AATK: variants seen among roughly 807,000 people sequenced by gnomAD.
AATK encodes the protein serine/threonine-protein kinase LMTK1.
A neutral mutation model predicts 114.3 loss-of-function variants in AATK; 91 were observed. The observed-to-expected ratio is 0.80, with a 90% CI of 0.67 to 0.95. AATK has a LOEUF of 0.95. Among genes scored for constraint, AATK ranks in the 40% least tolerant of loss-of-function variants. The pLI, the probability that AATK is intolerant of heterozygous loss-of-function variation, is 0.00. For synonymous variants in AATK, 1,075 were observed against 916.5 expected, an observed-to-expected ratio of 1.17 and a Z score of -3.12; for missense variants, 2,176 against 1,965.2, an observed-to-expected ratio of 1.11 and a Z score of -2.03.
At position 81,120,401 on chromosome 17, in the gene AATK, T is replaced by C; in HGVS notation, c.3535A>G (p.Ser1179Gly). The change falls in exon 11 of 14, where the codon AGC becomes GGC. Residue 1179 changes from serine to glycine, a missense_variant. This residue lies in a region of AATK where 1,701 missense variants were observed against 1,394.7 expected (regional missense o/e 1.22). Transcript: ENST00000326724. ...DESDEELRCY[S>G]VQEPSEDSEE... Reference sequence around the variant, plus strand: ...CTGTCCTCGCTAGGCTCCTGGACGCTGTAGCAGCGGAGCTCCTCGTCAGAC... The same window carrying C: ...CTGTCCTCGCTAGGCTCCTGGACGCCGTAGCAGCGGAGCTCCTCGTCAGAC... The C allele has an allele frequency of 6.3e-7, 1 of 1,599,886 alleles. No homozygotes were observed. Among genetic ancestry groups the C allele is most frequent in the Non-Finnish European group, 8.5e-7 (1 of 1,172,592 alleles).
chr17:81,134,518 T>C lies in AATK; in HGVS notation c.56-17A>G, dbSNP rs11658145. The C allele has an allele frequency of 0.24, 380,464 of 1,605,516 alleles. 46,440 individuals are homozygous for C. Among genetic ancestry groups the C allele is most frequent in the South Asian group, 0.29 (26,329 of 89,930 alleles). The stretch of plus-strand genomic sequence containing the variant: ...GGGCGCCGTCTGCGGGAGAGCAGTG[T>C]GGTGAGAGTGGCCATGGCTGAGGGC... On this transcript the variant is annotated splice_polypyrimidine_tract_variant and intron_variant, in intron 1 of 13. Transcript: ENST00000326724.
chr17:81,159,524 GAAA>G (rs2061406146), intron 1 of AATK, among the ~76,000 whole-genome samples: 1 of 152,152 alleles, frequency 6.6e-6, no homozygotes, highest in Admixed American at 6.5e-5. Flanking sequence ...GGGGTTCGAG[GAAA>G]TTCCACGTGG....
At chr17:81,139,745 C>A (rs778884749) in intron 1 of AATK, among the ~76,000 whole-genome samples, 1 of 152,254 alleles carries the variant, frequency 6.6e-6, no homozygotes, top group Non-Finnish European at 1.5e-5. Flanking sequence ...TGAGGCTGTG[C>A]CCCTGGCCAT....
At chr17:81,133,129 T>G (rs1047924584) in intron 2 of AATK, 75 of 437,798 alleles carry the variant, frequency 1.7e-4, no homozygotes, top group African/African-American at 1.5e-3. Context: ...TGGGCAGGAG[T>G]GCAGACCCCA....
intron 13 of AATK, 69 bp downstream of exon 13, chr17:81,119,311 G>T: frequency 7.6e-7 from 1 of 1,311,594 alleles, no homozygotes; most frequent in Non-Finnish European, 1.0e-6. Context: ...AGACGGAGGG[G>T]CCCCACCCTC....
At chr17:81,150,458 C>A (rs1406907351) in intron 1 of AATK, among the ~76,000 whole-genome samples, 1 of 149,754 alleles carries the variant, frequency 6.7e-6, no homozygotes. Flanking sequence ...GTACCCCCGG[C>A]AGCTCACTGC....
chr17:81,124,759 G>C lies in AATK; in HGVS notation c.930C>G (p.Leu310=), dbSNP rs772785830. The C allele has an allele frequency of 3.1e-6, 5 of 1,612,782 alleles. No individual in the cohort carries two copies. The highest frequency in any genetic ancestry group is 4.2e-6 in the Non-Finnish European group (5 of 1,179,816). Reference sequence around the variant, plus strand: ...TCCCGCTCTTGGTCTGGTCCACGACGAGCAGGTTGCTATGCACCTCGTCCA... The same window carrying C: ...TCCCGCTCTTGGTCTGGTCCACGACCAGCAGGTTGCTATGCACCTCGTCCA... The part of the protein sequence containing the change: ...ELVDEVHSNL[L]VVDQTKSGNV... Residue 310 remains leucine (L), a synonymous_variant, in exon 9 of 14, where the codon CTC becomes CTG. Transcript: ENST00000326724.
intron 1 of AATK, among the ~76,000 whole-genome samples, chr17:81,150,742 A>G (rs1450540579): frequency 2.0e-5 from 3 of 152,188 alleles, no homozygotes; most frequent in African/African-American, 4.8e-5. Context: ...CCTAAGGCAG[A>G]CAGACAGGGG....
Position 81,118,265 on chromosome 17 carries a change from C to G in AATK, c.*137G>C. The G allele has an allele frequency of 1.2e-6, 1 of 845,216 alleles. No individual in the cohort carries two copies. The allele number at this position is 845,216 out of a possible 1,614,324, so 52.4% of individuals were successfully genotyped here. A position where few individuals can be genotyped will look rare whatever the true frequency, so the allele number is the denominator to read the frequency against. On this transcript the variant is annotated 3_prime_UTR_variant, in exon 14 of 14. Coordinates refer to ENST00000326724, the MANE Select transcript of AATK (RefSeq NM_001080395.3). ...CATCCCACGGGCTTCTCCAGGACAC[C>G]GCGTGGGGCAGAGGCACCTGAATCT... is the stretch of plus-strand genomic sequence containing the variant.
chr17:81,131,232 G>A, intron 2 of AATK, 27 bp from the exon 3 acceptor site: 2 of 1,552,528 alleles, frequency 1.3e-6, no homozygotes, highest in South Asian at 2.4e-5. Context: ...GCATGAGCGG[G>A]GCTTCTCGCA....
At chr17:81,165,044 G>A (rs1183121189) in intron 1 of AATK, among the ~76,000 whole-genome samples, 1 of 152,246 alleles carries the variant, frequency 6.6e-6, no homozygotes, top group Non-Finnish European at 1.5e-5. Flanking sequence ...TGTTTGGGCT[G>A]GCTCAGCCTG....
chr17:81,132,910 C>T (rs899337866), intron 2 of AATK: 8 of 246,436 alleles, frequency 3.2e-5, no homozygotes, highest in Admixed American at 2.6e-4. Context: ...ATGGCCAGCC[C>T]TTGTTTGGGG....
Position 81,119,985 on chromosome 17 carries a change from G to C in AATK, c.3834C>G (p.Asn1278Lys), listed in dbSNP as rs1482049682. Residue 1278 changes from asparagine to lysine, a missense_variant, in exon 12 of 14, where the codon AAC becomes AAG. This residue lies in a region of AATK where 1,701 missense variants were observed against 1,394.7 expected (regional missense o/e 1.22). Coordinates refer to ENST00000326724, the MANE Select transcript of AATK (RefSeq NM_001080395.3). Reference protein sequence around the residue: ...RGSPGSPSAPNRPQQADGSPN... With the variant: ...RGSPGSPSAPKRPQQADGSPN... The stretch of plus-strand genomic sequence containing the variant: ...GGGAGCCATCAGCCTGCTGCGGCCG[G>C]TTGGGGGCGCTGGGAGAGCCGGGGC... The C allele has an allele frequency of 2.1e-6, 3 of 1,448,670 alleles. No homozygotes were observed. Among genetic ancestry groups the C allele is most frequent in the Non-Finnish European group, 2.7e-6 (3 of 1,100,650 alleles). 89.7% of individuals were successfully genotyped at this position (1,448,670 alleles called of 1,614,324 possible).
chr17:81,124,504 G>A lies in AATK; in HGVS notation c.962+223C>T, dbSNP rs551090129. On this transcript the variant is annotated intron_variant, in intron 9 of 13. Coordinates refer to ENST00000326724, the MANE Select transcript of AATK (RefSeq NM_001080395.3). ...TGAAGACGGGCCGTTGGCCCTGTAC[G>A]TATGCCTTGACCCCACCATGGGGTC... 3.3e-3 allele frequency among the ~76,000 whole-genome samples: 500 copies of A among 152,322 alleles called. 4 individuals carry two copies. Among genetic ancestry groups the A allele is most frequent in the Middle Eastern group, 0.017 (5 of 294 alleles).
At chr17:81,158,143 C>T (rs1351099548) in intron 1 of AATK, among the ~76,000 whole-genome samples, 4 of 152,226 alleles carry the variant, frequency 2.6e-5, no homozygotes, top group East Asian at 1.9e-4. Context: ...CAGGGCCGCC[C>T]GTCACAGAAG....
At chr17:81,156,688 C>T (rs1045616747) in intron 1 of AATK, among the ~76,000 whole-genome samples, 16 of 152,222 alleles carry the variant, frequency 1.1e-4, no homozygotes, top group African/African-American at 3.4e-4. Context: ...TGAGCCACCG[C>T]GCCCAGACTA....
At chr17:81,119,718 C>A (rs966721856) in intron 12 of AATK, 138 bp from the exon 13 acceptor site, 3 of 976,672 alleles carry the variant, frequency 3.1e-6, no homozygotes, top group South Asian at 2.2e-5. Context: ...GTCACGGGCC[C>A]AGGCCCCGCC....
chr17:81,127,347 A>G (rs1199180692), intron 6 of AATK, among the ~76,000 whole-genome samples: 1 of 151,950 alleles, frequency 6.6e-6, no homozygotes, highest in Non-Finnish European at 1.5e-5. Flanking sequence ...GCAGCTCCCC[A>G]GGGGTGCAGG....
intron 12 of AATK, 82 bp downstream of exon 12, chr17:81,119,854 C>T: frequency 1.4e-6 from 2 of 1,382,152 alleles, no homozygotes; most frequent in East Asian, 2.9e-5. Context: ...CATGATGTCA[C>T]ACATTAGGCC....
Sources: gnomAD v4.1 joint callset for allele counts (sites outside exome capture counted in the v4.1 genomes callset) on GRCh38, gnomAD v4.1.1 for gene constraint, gnomAD v4.1.1 regional missense constraint, MANE v1.5 for transcripts, NCBI Gene and HGNC (gene_info 2026-07-23, HGNC 2026-07-21) for gene names.